The following PCCA variants were observed in gnomAD, a reference collection of about 807,000 sequenced individuals.
PCCA encodes the protein propionyl-CoA carboxylase alpha chain, mitochondrial.
Under a neutral mutation model 101.3 loss-of-function variants are expected in PCCA, and 74 were observed. That is an observed-to-expected ratio of 0.73 (90% CI 0.61 to 0.89). The LOEUF is 0.89. Ranked by LOEUF, PCCA falls within the 40% of genes least tolerant of loss-of-function variation. The pLI, the probability that PCCA is intolerant of heterozygous loss-of-function variation, is 0.00. For missense variants in PCCA, 891 were observed against 907.0 expected (o/e 0.98, Z 0.23); for synonymous variants, 294 against 313.6 (o/e 0.94, Z 0.66).
intron 18 of PCCA, among the ~76,000 whole-genome samples, chr13:100,346,390 G>A (rs988126962): frequency 6.6e-6 from 1 of 152,212 alleles, no homozygotes; most frequent in Non-Finnish European, 1.5e-5. Flanking sequence ...GGTGGAAATA[G>A]CAAGAAAACT....
intron 8 of PCCA, among the ~76,000 whole-genome samples, chr13:100,254,182 C>A (rs1296264834): frequency 6.6e-6 from 1 of 152,064 alleles, no homozygotes; most frequent in Admixed American, 6.5e-5. Flanking sequence ...AACTCACTCA[C>A]TATCACGAGG....
At chr13:100,454,739 T>C (rs916619669) in intron 21 of PCCA, among the ~76,000 whole-genome samples, 10 of 152,182 alleles carry the variant, frequency 6.6e-5, no homozygotes. Flanking sequence ...ACTTCTGTTG[T>C]GTAAATAAGG....
chr13:100,434,567 G>GA (rs1488752978), intron 20 of PCCA, among the ~76,000 whole-genome samples: 11 of 152,090 alleles, frequency 7.2e-5, no homozygotes, highest in Non-Finnish European at 1.3e-4. Context: ...GGATTTGGGG[G>GA]AACTTCTCAC....
At chr13:100,235,900 G>A in intron 8 of PCCA, 22 bp downstream of exon 8, 1 of 1,535,388 alleles carries the variant, frequency 6.5e-7, no homozygotes. Context: ...AATTAACTTT[G>A]GTAGGATTTC....
At chr13:100,185,216 A>G (rs188550292) in intron 6 of PCCA, among the ~76,000 whole-genome samples, 9 of 152,216 alleles carry the variant, frequency 5.9e-5, no homozygotes, top group African/African-American at 1.9e-4. Context: ...CACCTCCTTA[A>G]TATGCATCCT....
intron 16 of PCCA, among the ~76,000 whole-genome samples, chr13:100,311,881 T>A (rs547277048): frequency 6.6e-6 from 1 of 152,362 alleles, no homozygotes; most frequent in African/African-American, 2.4e-5. Context: ...TTTATGTAAT[T>A]TCTAATACTG....
intron 4 of PCCA, among the ~76,000 whole-genome samples, chr13:100,135,130 G>A (rs745675848): frequency 4.0e-5 from 6 of 151,502 alleles, no homozygotes; most frequent in East Asian, 2.0e-4. Flanking sequence ...GTGGTGGCTC[G>A]CATCTGTAAT....
At chr13:100,131,837 A>G (rs1380043116) in intron 4 of PCCA, among the ~76,000 whole-genome samples, 2 of 152,202 alleles carry the variant, frequency 1.3e-5, no homozygotes, top group Admixed American at 6.5e-5. Context: ...CTTCCAGTTC[A>G]GTGGAAGAAG....
chr13:100,103,303 A>G (rs1180572399), intron 2 of PCCA, among the ~76,000 whole-genome samples: 1 of 150,598 alleles, frequency 6.6e-6, no homozygotes, highest in Non-Finnish European at 1.5e-5. Context: ...TTTTTCTTTC[A>G]TTTACTTAAT....
At chr13:100,283,827 A>G (rs1406029819) in intron 12 of PCCA, among the ~76,000 whole-genome samples, 2 of 152,228 alleles carry the variant, frequency 1.3e-5, no homozygotes, top group African/African-American at 4.8e-5. Context: ...GTGGTTTACT[A>G]GGACACTTTT....
At chr13:100,440,204 ATATAT>A (rs1595906151) in intron 20 of PCCA, among the ~76,000 whole-genome samples, 26 of 101,580 alleles carry the variant, frequency 2.6e-4, no homozygotes, top group Non-Finnish European at 3.7e-4. Flanking sequence ...ATATATATAT[ATATAT>A]AAAACGTGAT....
chr13:100,432,193 T>C (rs1401872003), intron 20 of PCCA, among the ~76,000 whole-genome samples: 2 of 152,098 alleles, frequency 1.3e-5, no homozygotes, highest in Non-Finnish European at 2.9e-5. Context: ...AGATAACTCG[T>C]TATGCCAGCA....
chr13:100,359,125 A>G (rs1017039708), intron 18 of PCCA, among the ~76,000 whole-genome samples: 1 of 151,828 alleles, frequency 6.6e-6, no homozygotes, highest in Non-Finnish European at 1.5e-5. Context: ...AAAGAAAAGA[A>G]AAAAGCTGTT....
chr13:100,265,605 C>T (rs1272311047), intron 10 of PCCA, among the ~76,000 whole-genome samples: 1 of 152,146 alleles, frequency 6.6e-6, no homozygotes, highest in Non-Finnish European at 1.5e-5. Flanking sequence ...TACCTCCACT[C>T]CCACACACCC....
At position 100,515,347 on chromosome 13, in the gene PCCA, A is replaced by C. The variant is rs551325949; in HGVS notation, c.1900-80A>C. 25 of 1,323,440 alleles carry C rather than the reference A, an allele frequency of 1.9e-5. No individual in the cohort carries two copies. The South Asian group carries it at 3.0e-4, about 16-fold the overall frequency. 82.0% of individuals were successfully genotyped at this position (1,323,440 alleles called of 1,614,324 possible). ...CTGTAATTTGAATTTAAAAGCTAAAAATTGATTTAGAATGAATGCTACTTT... is the reference window on the plus strand; with the variant it reads ...CTGTAATTTGAATTTAAAAGCTAAACATTGATTTAGAATGAATGCTACTTT... On this transcript the variant is annotated intron_variant, in intron 21 of 23. Transcript: ENST00000376285.
intron 12 of PCCA, among the ~76,000 whole-genome samples, chr13:100,298,345 G>C (rs1329390155): frequency 6.6e-6 from 1 of 152,106 alleles, no homozygotes; most frequent in Admixed American, 6.5e-5. Flanking sequence ...GCATCCTAAT[G>C]ACAAGAGTCT....
chr13:100,402,260 G>T (rs563735433), intron 19 of PCCA, among the ~76,000 whole-genome samples: 73 of 144,018 alleles, frequency 5.1e-4, no homozygotes, highest in African/African-American at 1.7e-3. Flanking sequence ...TTTGTTTTTT[G>T]TTTTTTTTTT....
chr13:100,348,403 G>C (rs1595497125), intron 18 of PCCA, among the ~76,000 whole-genome samples: 1 of 152,126 alleles, frequency 6.6e-6, no homozygotes, highest in African/African-American at 2.4e-5. Context: ...ACTATAAAAT[G>C]AATTTGATGA....
At chr13:100,188,698 C>T (rs2057510024) in intron 6 of PCCA, among the ~76,000 whole-genome samples, 1 of 152,174 alleles carries the variant, frequency 6.6e-6, no homozygotes, top group Non-Finnish European at 1.5e-5. Flanking sequence ...GTTCCCTTTT[C>T]ACCACATCCA....
Sources: allele counts gnomAD v4.1 joint callset (sites outside exome capture counted in the v4.1 genomes callset), GRCh38; gene constraint gnomAD v4.1.1; transcripts MANE v1.5; gene names NCBI Gene and HGNC (gene_info 2026-07-23, HGNC 2026-07-21).